Variants in CRB1 observed in about 807,000 individuals in gnomAD.
CRB1 encodes the protein protein crumbs homolog 1.
A neutral mutation model predicts 120.0 loss-of-function variants in CRB1; 83 were observed. The ratio of observed to expected loss-of-function variants is 0.69; its 90% CI spans 0.58 to 0.83. The LOEUF is 0.83. Among genes scored for constraint, CRB1 ranks in the 40% least tolerant of loss-of-function variants. The pLI, the probability that CRB1 is intolerant of heterozygous loss-of-function variation, is 0.00. For synonymous variants in CRB1, 625 were observed against 612.5 expected, an observed-to-expected ratio of 1.02 and a Z score of -0.30; for missense variants, 1,699 against 1,687.6, an observed-to-expected ratio of 1.01 and a Z score of -0.12.
chr1:197,401,667 A>G (rs1292073781), intron 5 of CRB1, among the ~76,000 whole-genome samples: 1 of 152,104 alleles, frequency 6.6e-6, no homozygotes, highest in Non-Finnish European at 1.5e-5. Flanking sequence ...CTGCCCACTA[A>G]TATTTGATAA....
At chr1:197,234,133 T>C in the CRB1 span, among the ~76,000 whole-genome samples, 131 of 152,286 alleles carry the variant, frequency 8.6e-4, 1 homozygote, top group Admixed American at 1.7e-3. Flanking sequence ...TATGAAGATA[T>C]TTTTATTACT....
At chr1:197,240,300 T>C in the CRB1 span, among the ~76,000 whole-genome samples, 4 of 152,150 alleles carry the variant, frequency 2.6e-5, no homozygotes, top group Non-Finnish European at 5.9e-5. Context: ...ACACGTGCCA[T>C]GGTGGTTCGC....
rs762613347 is a variant in CRB1, at chr1:197,421,847, G to A, written c.2019G>A (p.Lys673=). ...SLNVKAGCVR[K]DWCESQPCQS... ...ATGTCAAGGCAGGCTGTGTGAGAAA[G>A]GATTGGTGTGAAAGCCAACCTTGTC... Residue 673 remains lysine, a synonymous_variant, in exon 6 of 12, where the codon AAG becomes AAA. Transcript: ENST00000367400. 2.2e-5 allele frequency: 35 copies of A among 1,614,094 alleles called. No homozygotes were observed. Among genetic ancestry groups the A allele is most frequent in the Non-Finnish European group, 2.7e-5 (32 of 1,180,048 alleles).
At chr1:197,262,553 A>G in the CRB1 span, among the ~76,000 whole-genome samples, 101 of 152,228 alleles carry the variant, frequency 6.6e-4, no homozygotes, top group South Asian at 1.2e-3. Context: ...TAACTTTTAG[A>G]TACCGGGGGT....
chr1:197,327,921 A>G lies in CRB1; in HGVS notation c.71-501A>G, dbSNP rs185916643. On this transcript the variant is annotated intron_variant, in intron 1 of 11. Transcript: ENST00000367400. ...TGCTCTTAAAAAGAAAAAAGAAAGG[A>G]AAAGAGGGAAAACAAAAAGTCTGAA... 9.2e-5 allele frequency among the ~76,000 whole-genome samples: 14 copies of G among 152,314 alleles called. No individual in the cohort carries two copies. The East Asian group carries it at 2.7e-3, about 29-fold the overall frequency.
the CRB1 span, among the ~76,000 whole-genome samples, chr1:197,238,193 A>G: frequency 6.6e-6 from 1 of 152,028 alleles, no homozygotes. Context: ...GTTTGATTTT[A>G]TTGTTGTCAG....
chr1:197,240,432 T>C, the CRB1 span, among the ~76,000 whole-genome samples: 1 of 152,324 alleles, frequency 6.6e-6, no homozygotes, highest in Non-Finnish European at 1.5e-5. Flanking sequence ...GTGTTCTTAT[T>C]CTTCAACTCC....
intron 10 of CRB1, chr1:197,440,068 T>A (rs961533971): frequency 2.6e-5 from 4 of 152,254 alleles, no homozygotes; most frequent in African/African-American, 9.6e-5. Flanking sequence ...CTGCAACTTA[T>A]TAACTGAGAT....
chr1:197,232,424 T>G, the CRB1 span, among the ~76,000 whole-genome samples: 1 of 151,726 alleles, frequency 6.6e-6, no homozygotes, highest in East Asian at 1.9e-4. Context: ...GTCAGGTCGA[T>G]GCAGTTACAA....
At chr1:197,311,166 G>A (rs1030132246) in intron 1 of CRB1, among the ~76,000 whole-genome samples, 1 of 152,138 alleles carries the variant, frequency 6.6e-6, no homozygotes, top group Non-Finnish European at 1.5e-5. Context: ...GATTCATACA[G>A]AAAATATGAT....
intron 1 of CRB1, among the ~76,000 whole-genome samples, chr1:197,270,535 A>G (rs964717115): frequency 2.6e-5 from 4 of 152,212 alleles, no homozygotes; most frequent in Admixed American, 2.6e-4. Context: ...TAATGATGCT[A>G]GGAATCATCA....
chr1:197,463,799 C>A (rs145766596), intron 11 of CRB1, among the ~76,000 whole-genome samples: 3 of 152,104 alleles, frequency 2.0e-5, no homozygotes, highest in Non-Finnish European at 4.4e-5. Context: ...TTAGTTCTAA[C>A]GTATTTTACA....
At position 197,427,451 on chromosome 1, in the gene CRB1, A is replaced by G. The variant is rs761555817; in HGVS notation, c.2129-3A>G. 2.5e-6 allele frequency: 4 copies of G among 1,613,328 alleles called. No individual in the cohort carries two copies. The South Asian group carries it at 3.3e-5, about 13-fold the overall frequency. On this transcript the variant is annotated splice_region_variant and splice_polypyrimidine_tract_variant and intron_variant, in intron 6 of 11. Coordinates refer to ENST00000367400, the MANE Select transcript of CRB1 (RefSeq NM_201253.3). Reference sequence around the variant, plus strand: ...CTCCTCCTCCTCTATTTTGACATTGAAGAGTATGTGGCAGGCAGATTTGGC... The same window carrying G: ...CTCCTCCTCCTCTATTTTGACATTGGAGAGTATGTGGCAGGCAGATTTGGC...
chr1:197,414,018 T>A (rs1205461094), intron 5 of CRB1: 1 of 448,686 alleles, frequency 2.2e-6, no homozygotes, highest in African/African-American at 2.0e-5. Flanking sequence ...ACTCTCTTCT[T>A]ATATACGCTA....
intron 5 of CRB1, among the ~76,000 whole-genome samples, chr1:197,387,456 T>C (rs1662274857): frequency 6.6e-6 from 1 of 152,116 alleles, no homozygotes; most frequent in Non-Finnish European, 1.5e-5. Flanking sequence ...TTTGTATATC[T>C]TTTTAAGTGT....
chr1:197,242,804 G>A, the CRB1 span, among the ~76,000 whole-genome samples: 1 of 152,078 alleles, frequency 6.6e-6, no homozygotes, highest in East Asian at 1.9e-4. Flanking sequence ...GTCTGTTCCT[G>A]CGCTTTTTTT....
intron 1 of CRB1, among the ~76,000 whole-genome samples, chr1:197,318,691 G>A (rs1558050327): frequency 6.6e-6 from 1 of 152,252 alleles, no homozygotes; most frequent in East Asian, 1.9e-4. Context: ...TCATTTCCAG[G>A]AACATGGATG....
the CRB1 span, among the ~76,000 whole-genome samples, chr1:197,256,804 TA>T: frequency 9.1e-5 from 13 of 142,188 alleles, no homozygotes; most frequent in South Asian, 2.2e-4. Flanking sequence ...TAAAGTATAA[TA>T]AAAAAAAAGA....
At chr1:197,277,536 C>A (rs1448509983) in intron 1 of CRB1, among the ~76,000 whole-genome samples, 1 of 151,964 alleles carries the variant, frequency 6.6e-6, no homozygotes, top group Non-Finnish European at 1.5e-5. Context: ...ATGAAATTAA[C>A]TCAACAAATT....
Sources: gnomAD v4.1 joint callset for allele counts (sites outside exome capture counted in the v4.1 genomes callset) on GRCh38, gnomAD v4.1.1 for gene constraint, MANE v1.5 for transcripts, NCBI Gene and HGNC (gene_info 2026-07-23, HGNC 2026-07-21) for gene names.